AP3B1: variants seen among roughly 807,000 people sequenced by gnomAD.
The protein encoded by AP3B1 is adaptor related protein complex 3 subunit beta 1.
AP3B1 carries 61 observed loss-of-function variants against 132.5 expected under a neutral mutation model. The ratio of observed to expected loss-of-function variants is 0.46; its 90% CI spans 0.37 to 0.57. The LOEUF (loss-of-function observed/expected upper bound fraction) is 0.57, where lower values mean the gene tolerates loss of function less well. Among genes scored for constraint, AP3B1 ranks in the 20% least tolerant of loss-of-function variants. The pLI is 0.00. For synonymous variants in AP3B1, 388 were observed against 438.3 expected (o/e 0.89, Z 1.43); for missense variants, 1,120 against 1,289.4 (o/e 0.87, Z 2.01).
At chr5:78,048,622 T>C (rs1477789493) in intron 22 of AP3B1, among the ~76,000 whole-genome samples, 2 of 152,016 alleles carry the variant, frequency 1.3e-5, no homozygotes, top group Admixed American at 6.5e-5. Flanking sequence ...TGCCACATTG[T>C]TCAGTGAGAA....
intron 7 of AP3B1, among the ~76,000 whole-genome samples, chr5:78,186,322 T>C (rs903179202): frequency 6.6e-5 from 10 of 152,226 alleles, no homozygotes; most frequent in Admixed American, 1.3e-4. Flanking sequence ...ACAAAATGGA[T>C]AATCTACAAT....
At chr5:78,082,993 T>A (rs1238589584) in intron 22 of AP3B1, among the ~76,000 whole-genome samples, 2 of 152,064 alleles carry the variant, frequency 1.3e-5, no homozygotes, top group African/African-American at 4.8e-5. Context: ...TTTTTTATAT[T>A]TTTAGTAGAA....
At chr5:78,224,225 C>T (rs986155503) in intron 6 of AP3B1, among the ~76,000 whole-genome samples, 2 of 151,996 alleles carry the variant, frequency 1.3e-5, no homozygotes, top group Admixed American at 6.6e-5. Flanking sequence ...TTACCTCCTA[C>T]GTTATACCAA....
chr5:78,122,398 A>G (rs1375556372), intron 17 of AP3B1, among the ~76,000 whole-genome samples: 1 of 152,248 alleles, frequency 6.6e-6, no homozygotes, highest in Non-Finnish European at 1.5e-5. Context: ...GAAAAGATGA[A>G]GTCAAATTGT....
intron 3 of AP3B1, among the ~76,000 whole-genome samples, chr5:78,230,617 C>T (rs1746605189): frequency 1.3e-5 from 2 of 152,174 alleles, no homozygotes; most frequent in South Asian, 2.1e-4. Flanking sequence ...CACTCTTTAT[C>T]TCAATCTCCA....
At chr5:78,089,987 G>C (rs897396332) in intron 21 of AP3B1, among the ~76,000 whole-genome samples, 1 of 152,190 alleles carries the variant, frequency 6.6e-6, no homozygotes, top group Non-Finnish European at 1.5e-5. Flanking sequence ...CTATGTGCTA[G>C]ATAGAAATGT....
At chr5:78,122,818 A>G (rs953880338) in intron 17 of AP3B1, among the ~76,000 whole-genome samples, 7 of 152,216 alleles carry the variant, frequency 4.6e-5, no homozygotes, top group African/African-American at 1.7e-4. Flanking sequence ...GCTACCAATG[A>G]CTTTCTTCAC....
intron 21 of AP3B1, among the ~76,000 whole-genome samples, chr5:78,097,595 G>A (rs1408827755): frequency 7.3e-6 from 1 of 136,882 alleles, no homozygotes; most frequent in East Asian, 2.2e-4. Flanking sequence ...CGCCCCGTCC[G>A]GGAGGGAGGT....
At chr5:78,013,408 C>CA (rs943459523) in intron 26 of AP3B1, among the ~76,000 whole-genome samples, 2 of 141,248 alleles carry the variant, frequency 1.4e-5, no homozygotes, top group African/African-American at 6.3e-5. Context: ...GAAAAGTTAA[C>CA]AAAAAAAAGA....
chr5:78,183,793 T>A (rs945529298), intron 7 of AP3B1, among the ~76,000 whole-genome samples: 6 of 145,690 alleles, frequency 4.1e-5, no homozygotes, highest in South Asian at 2.2e-4. Flanking sequence ...CTTGAGCTCA[T>A]GAGGCGGAGG....
intron 3 of AP3B1, among the ~76,000 whole-genome samples, chr5:78,238,322 T>C (rs1043325623): frequency 6.6e-6 from 1 of 151,904 alleles, no homozygotes; most frequent in East Asian, 1.9e-4. Flanking sequence ...AGCTCAGGGC[T>C]CCCACTGATT....
At chr5:78,234,856 A>T (rs1467297738) in intron 3 of AP3B1, among the ~76,000 whole-genome samples, 1 of 152,232 alleles carries the variant, frequency 6.6e-6, no homozygotes, top group South Asian at 2.1e-4. Flanking sequence ...ACCAGTGGGT[A>T]TAATTCATTG....
At chr5:78,254,561 G>A (rs781326212) in intron 2 of AP3B1, among the ~76,000 whole-genome samples, 3 of 152,146 alleles carry the variant, frequency 2.0e-5, no homozygotes, top group African/African-American at 4.8e-5. Context: ...ATTTAAAAGT[G>A]CTGAAGAAAA....
Position 78,175,623 on chromosome 5 carries a change from T to A in AP3B1, c.1167+3A>T. 1 of 1,610,686 alleles carries A rather than the reference T, an allele frequency of 6.2e-7. No individual in the cohort carries two copies. The highest frequency in any genetic ancestry group is 8.5e-7 in the Non-Finnish European group (1 of 1,177,224). ...AGCCTCTGAAAAATGAAAGCATACA[T>A]ACCTTCAGTGTCTTGATCATAGTTG... On this transcript the variant is annotated splice_donor_region_variant and intron_variant, in intron 11 of 26. Transcript: ENST00000255194.
At chr5:78,167,630 T>C (rs111850290) in intron 11 of AP3B1, among the ~76,000 whole-genome samples, 8,417 of 150,760 alleles carry the variant, frequency 0.056, 306 homozygotes, top group East Asian at 0.13. Flanking sequence ...ATGTTATATA[T>C]ATACACACAC....
intron 22 of AP3B1, among the ~76,000 whole-genome samples, chr5:78,044,394 A>G (rs1004114813): frequency 3.3e-5 from 5 of 152,226 alleles, no homozygotes; most frequent in African/African-American, 9.6e-5. Context: ...TGATAAGCAT[A>G]TTAGAGACAG....
chr5:78,067,201 A>G (rs1315560204), intron 22 of AP3B1, among the ~76,000 whole-genome samples: 1 of 152,218 alleles, frequency 6.6e-6, no homozygotes, highest in Non-Finnish European at 1.5e-5. Flanking sequence ...AAAAGGCTCA[A>G]TTCAACAAGA....
chr5:78,054,283 C>T (rs1032289931), intron 22 of AP3B1, among the ~76,000 whole-genome samples: 4 of 152,010 alleles, frequency 2.6e-5, no homozygotes, highest in Non-Finnish European at 5.9e-5. Context: ...ACTGCAGTTC[C>T]CCAAGATGAT....
intron 20 of AP3B1, among the ~76,000 whole-genome samples, chr5:78,106,630 C>G (rs1751351132): frequency 6.6e-6 from 1 of 152,084 alleles, no homozygotes; most frequent in Non-Finnish European, 1.5e-5. Flanking sequence ...GTTGGGAAAG[C>G]ATTGGTCAGA....
Sources: allele counts gnomAD v4.1 joint callset (sites outside exome capture counted in the v4.1 genomes callset), GRCh38; gene constraint gnomAD v4.1.1; transcripts MANE v1.5; gene names NCBI Gene and HGNC (gene_info 2026-07-23, HGNC 2026-07-21).